HHAT: variants seen among roughly 807,000 people sequenced by gnomAD.
The protein encoded by HHAT is hedgehog acyltransferase, also known as protein-cysteine N-palmitoyltransferase HHAT.
In HHAT, 47 loss-of-function variants were observed where a neutral mutation model predicts 70.8. The ratio of observed to expected loss-of-function variants is 0.66; its 90% CI spans 0.53 to 0.85. HHAT has a LOEUF of 0.85. Among genes scored for constraint, HHAT ranks in the 40% least tolerant of loss-of-function variants. The pLI, the probability that HHAT is intolerant of heterozygous loss-of-function variation, is 0.00. For synonymous variants in HHAT, 228 were observed against 247.6 expected (o/e 0.92, Z 0.74); for missense variants, 609 against 604.8 (o/e 1.01, Z -0.07).
intron 8 of HHAT, among the ~76,000 whole-genome samples, chr1:210,497,440 C>T (rs954576849): frequency 2.6e-5 from 4 of 152,260 alleles, no homozygotes; most frequent in Non-Finnish European, 5.9e-5. Flanking sequence ...CATATGGCCT[C>T]GGGTTCTTAA....
At chr1:210,594,990 G>A (rs1662607228) in intron 10 of HHAT, among the ~76,000 whole-genome samples, 1 of 150,364 alleles carries the variant, frequency 6.7e-6, no homozygotes, top group South Asian at 2.1e-4. Context: ...ATTTATTTAA[G>A]TTTTAGGTTA....
chr1:210,553,280 G>A (rs2095543334), intron 9 of HHAT, among the ~76,000 whole-genome samples: 1 of 152,166 alleles, frequency 6.6e-6, no homozygotes, highest in African/African-American at 2.4e-5. Context: ...GTGTCCATTT[G>A]CTCTTCTTCA....
intron 8 of HHAT, among the ~76,000 whole-genome samples, chr1:210,466,266 A>T (rs982374450): frequency 1.3e-5 from 2 of 152,280 alleles, no homozygotes; most frequent in African/African-American, 4.8e-5. Context: ...AGGTAATGAC[A>T]TTGCAAGGAA....
At chr1:210,417,659 C>T (rs556169959) in intron 6 of HHAT, among the ~76,000 whole-genome samples, 1 of 152,312 alleles carries the variant, frequency 6.6e-6, no homozygotes, top group Admixed American at 6.5e-5. Context: ...ATGACATGCC[C>T]ACACATCATT....
In HHAT at chr1:210,576,443, C is replaced by T. The variant is rs181135554; in HGVS notation, c.1044-11455C>T. Reference sequence around the variant, plus strand: ...TACCCCTTTGGGGTGTGTGCGTGTGCGTGTTAAGAACACTTAACATAATGA... The same window carrying T: ...TACCCCTTTGGGGTGTGTGCGTGTGTGTGTTAAGAACACTTAACATAATGA... On this transcript the variant is annotated intron_variant, in intron 9 of 11. Transcript: ENST00000261458. Among the ~76,000 whole-genome samples the T allele has an allele frequency of 4.2e-5, 6 of 142,382 alleles. 1 individual carries two copies. Among genetic ancestry groups the T allele is most frequent in the South Asian group, 4.3e-4 (2 of 4,600 alleles). The allele number at this position is 142,382 out of a possible 152,430, so 93.4% of individuals were successfully genotyped here. A position where few individuals can be genotyped will look rare whatever the true frequency, so the allele number is the denominator to read the frequency against.
chr1:210,353,453 TTA>T (rs1491435011), intron 2 of HHAT, among the ~76,000 whole-genome samples: 713 of 64,430 alleles, frequency 0.011, 5 homozygotes, highest in African/African-American at 0.03. Context: ...TTTTTTTTTT[TTA>T]AAAAAAAGCA....
intron 11 of HHAT, among the ~76,000 whole-genome samples, chr1:210,663,234 C>T (rs1417043663): frequency 6.6e-6 from 1 of 152,118 alleles, no homozygotes; most frequent in Non-Finnish European, 1.5e-5. Context: ...GATGGGGGGA[C>T]CGAGTGAGTG....
intron 9 of HHAT, among the ~76,000 whole-genome samples, chr1:210,526,219 C>A (rs1188567848): frequency 1.3e-5 from 2 of 152,094 alleles, no homozygotes; most frequent in African/African-American, 4.8e-5. Context: ...AGTCCAGTGG[C>A]AGACATGGTT....
intron 10 of HHAT, among the ~76,000 whole-genome samples, chr1:210,603,336 C>G (rs186003286): frequency 1.2e-3 from 184 of 152,158 alleles, no homozygotes; most frequent in African/African-American, 4.3e-3. Context: ...GATTCTTTAT[C>G]TGTGAGTCTC....
At chr1:210,540,480 T>TG (rs1558122946) in intron 9 of HHAT, among the ~76,000 whole-genome samples, 25 of 146,990 alleles carry the variant, frequency 1.7e-4, no homozygotes, top group African/African-American at 5.3e-4. Context: ...CGCACACACA[T>TG]GCACACACAC....
intron 9 of HHAT, among the ~76,000 whole-genome samples, chr1:210,523,617 C>T (rs61828093): frequency 0.25 from 36,200 of 143,130 alleles, 5,058 homozygotes; most frequent in Middle Eastern, 0.35. Flanking sequence ...TGTGTGTGCG[C>T]GCGCACACGT....
chr1:210,418,094 C>T, intron 6 of HHAT, 60 bp from the exon 7 acceptor site: 3 of 1,515,444 alleles, frequency 2.0e-6, no homozygotes, highest in Non-Finnish European at 2.7e-6. Flanking sequence ...AAAATCTTAT[C>T]TAAGGGACTG....
chr1:210,502,574 C>G (rs1464013799), intron 8 of HHAT, among the ~76,000 whole-genome samples: 2 of 152,098 alleles, frequency 1.3e-5, no homozygotes, highest in Non-Finnish European at 2.9e-5. Flanking sequence ...TTGAATCATG[C>G]ATTCATGCAT....
At chr1:210,365,386 G>A (rs1014886321) in intron 3 of HHAT, among the ~76,000 whole-genome samples, 2 of 123,494 alleles carry the variant, frequency 1.6e-5, no homozygotes, top group Non-Finnish European at 3.1e-5. Flanking sequence ...GTGTGATCTT[G>A]GCTCACTGCA....
intron 7 of HHAT, among the ~76,000 whole-genome samples, chr1:210,459,294 A>G (rs2093931745): frequency 6.6e-6 from 1 of 152,176 alleles, no homozygotes; most frequent in South Asian, 2.1e-4. Context: ...GACTGTATAC[A>G]CTTCCCGGAA....
intron 6 of HHAT, among the ~76,000 whole-genome samples, chr1:210,411,028 T>G (rs1018673912): frequency 5.3e-5 from 8 of 152,226 alleles, no homozygotes; most frequent in African/African-American, 1.9e-4. Context: ...AAAATGTACC[T>G]CATGATTTTT....
intron 11 of HHAT, among the ~76,000 whole-genome samples, chr1:210,669,173 G>C (rs1269272586): frequency 6.6e-6 from 1 of 152,164 alleles, no homozygotes; most frequent in Admixed American, 6.5e-5. Context: ...ACATGGCCCT[G>C]TGTGCTGATG....
intron 10 of HHAT, among the ~76,000 whole-genome samples, chr1:210,622,631 G>A (rs1316787613): frequency 1.3e-5 from 2 of 152,190 alleles, no homozygotes; most frequent in South Asian, 2.1e-4. Context: ...TTTCAGGCAC[G>A]CCGATACACT....
upstream of HHAT, chr1:210,328,884 C>A: frequency 1.6e-6 from 1 of 606,514 alleles, no homozygotes; most frequent in South Asian, 8.2e-5. Flanking sequence ...TTCCCGAGTC[C>A]GGGCGCGGAG....
Sources: allele counts gnomAD v4.1 joint callset (sites outside exome capture counted in the v4.1 genomes callset), GRCh38; gene constraint gnomAD v4.1.1; transcripts MANE v1.5; gene names NCBI Gene and HGNC (gene_info 2026-07-23, HGNC 2026-07-21).